Variants in RTF1 observed in about 807,000 individuals in gnomAD.
RTF1 encodes RNA polymerase-associated protein RTF1 homolog.
RTF1 carries 10 observed loss-of-function variants against 95.7 expected under a neutral mutation model. The observed-to-expected ratio is 0.10, with a 90% CI of 0.06 to 0.18. The LOEUF (loss-of-function observed/expected upper bound fraction) is 0.18, where lower values mean the gene tolerates loss of function less well. Among genes scored for constraint, RTF1 ranks in the 10% least tolerant of loss-of-function variants. The pLI is 1.00. For missense variants in RTF1, 458 were observed against 875.6 expected (o/e 0.52, Z 6.02); for synonymous variants, 305 against 311.8 (o/e 0.98, Z 0.23).
chr15:41,433,693 G>C (rs543995142), intron 1 of RTF1, among the ~76,000 whole-genome samples: 1 of 151,964 alleles, frequency 6.6e-6, no homozygotes, highest in Non-Finnish European at 1.5e-5. Context: ...GACCATAAAC[G>C]TATTACTATA....
intron 1 of RTF1, among the ~76,000 whole-genome samples, chr15:41,418,697 C>A (rs1488201464): frequency 6.6e-6 from 1 of 150,528 alleles, no homozygotes; most frequent in African/African-American, 2.4e-5. Flanking sequence ...GTAATCCCAG[C>A]TACTCGGGAG....
intron 6 of RTF1, among the ~76,000 whole-genome samples, 160 bp downstream of exon 6, chr15:41,466,412 G>A (rs2050880819): frequency 6.6e-6 from 1 of 152,174 alleles, no homozygotes; most frequent in African/African-American, 2.4e-5. Context: ...AGCCACAGCA[G>A]TCAGCTCTTG....
At chr15:41,417,413 C>T (rs2050576866) in intron 1 of RTF1, 100 bp downstream of exon 1, 4 of 1,028,476 alleles carry the variant, frequency 3.9e-6, no homozygotes, top group Non-Finnish European at 5.0e-6. Context: ...TACCAGAGCG[C>T]CCAGCTCGCC....
At chr15:41,417,601 T>TC (rs1482252864) in intron 1 of RTF1, among the ~76,000 whole-genome samples, 1 of 151,874 alleles carries the variant, frequency 6.6e-6, no homozygotes, top group Non-Finnish European at 1.5e-5. Flanking sequence ...GCCGCGATCT[T>TC]CCGGGGCCAG....
chr15:41,475,924 T>A, intron 11 of RTF1, 105 bp downstream of exon 11: 1 of 629,490 alleles, frequency 1.6e-6, no homozygotes, highest in East Asian at 2.7e-5. Context: ...TAGCTATGCA[T>A]GAAAATGAGG....
intron 4 of RTF1, among the ~76,000 whole-genome samples, chr15:41,459,089 G>A (rs1215683664): frequency 6.8e-6 from 1 of 147,576 alleles, no homozygotes; most frequent in Non-Finnish European, 1.5e-5. Context: ...AAAAAATAAA[G>A]GGAATTACAG....
intron 1 of RTF1, among the ~76,000 whole-genome samples, chr15:41,436,227 G>A (rs551924953): frequency 1.6e-4 from 24 of 151,098 alleles, no homozygotes; most frequent in African/African-American, 3.6e-4. Flanking sequence ...CAAAGCAGGC[G>A]GATCACGAGG....
At chr15:41,460,840 G>A (rs1376965812) in intron 4 of RTF1, among the ~76,000 whole-genome samples, 2 of 150,294 alleles carry the variant, frequency 1.3e-5, no homozygotes, top group South Asian at 2.1e-4. Context: ...ACTACAGGCT[G>A]TAGGCTACCA....
At chr15:41,424,077 G>T (rs77552433) in intron 1 of RTF1, among the ~76,000 whole-genome samples, 1,952 of 152,246 alleles carry the variant, frequency 0.013, 43 homozygotes, top group African/African-American at 0.045. Context: ...TTCAACAGAT[G>T]TATTAGACAG....
At chr15:41,437,473 G>A (rs2050710638) in intron 1 of RTF1, among the ~76,000 whole-genome samples, 2 of 152,106 alleles carry the variant, frequency 1.3e-5, no homozygotes, top group Admixed American at 6.6e-5. Context: ...TCCAGCCTGG[G>A]TGACACAGCG....
chr15:41,431,736 C>T (rs535501526), intron 1 of RTF1, among the ~76,000 whole-genome samples: 12 of 152,046 alleles, frequency 7.9e-5, no homozygotes, highest in African/African-American at 2.4e-4. Flanking sequence ...TGGGCTCAAA[C>T]GATCAGCCCT....
At chr15:41,457,651 G>A (rs1256891061) in intron 3 of RTF1, 21 bp from the exon 4 acceptor site, 4 of 1,612,824 alleles carry the variant, frequency 2.5e-6, no homozygotes, top group East Asian at 4.5e-5. Context: ...GTGTAATCTT[G>A]TGTTTGGGCC....
At chr15:41,461,755 C>G (rs2050850023) in intron 4 of RTF1, among the ~76,000 whole-genome samples, 1 of 151,910 alleles carries the variant, frequency 6.6e-6, no homozygotes, top group Non-Finnish European at 1.5e-5. Context: ...TCCCAAAGTG[C>G]TGGGATTACA....
chr15:41,435,172 A>C (rs2140950070), intron 1 of RTF1, among the ~76,000 whole-genome samples: 1 of 152,262 alleles, frequency 6.6e-6, no homozygotes, highest in East Asian at 1.9e-4. Context: ...GTATCAAAAC[A>C]GGAGTACTAG....
At chr15:41,442,034 C>T (rs1335870951) in intron 2 of RTF1, among the ~76,000 whole-genome samples, 1 of 152,198 alleles carries the variant, frequency 6.6e-6, no homozygotes, top group Non-Finnish European at 1.5e-5. Context: ...CTTCCAGCCA[C>T]TGTGTAACTC....
Position 41,417,201 on chromosome 15 carries a change from CG to C in RTF1, c.89del (p.Gly30AlafsTer13). The C allele has an allele frequency of 7.9e-7, 1 of 1,262,718 alleles. No individual in the cohort carries two copies. The highest frequency in any genetic ancestry group is 1.0e-6 in the Non-Finnish European group (1 of 998,940). The allele number at this position is 1,262,718 out of a possible 1,614,324, so 78.2% of individuals were successfully genotyped here. ...CTGGCAGGCGGGCAAGAGGGGAGTCCGGGCGGCGGCCGGCGTGGGAGCCGGG... is the reference window on the plus strand; with the variant it reads ...CTGGCAGGCGGGCAAGAGGGGAGTCCGGCGGCGGCCGGCGTGGGAGCCGGG... ...VPLAGGQEGS[P>X]GGGRRGSRGT... On this transcript the variant is annotated frameshift_variant, in exon 1 of 18. Coordinates refer to ENST00000389629, the MANE Select transcript of RTF1 (RefSeq NM_015138.5). LOFTEE classifies it high-confidence loss of function.
intron 2 of RTF1, among the ~76,000 whole-genome samples, chr15:41,440,824 C>G (rs951599163): frequency 1.3e-4 from 20 of 151,966 alleles, no homozygotes; most frequent in Non-Finnish European, 2.6e-4. Flanking sequence ...AATGGATAAA[C>G]TATAATTTCT....
At chr15:41,466,105 TA>T in intron 5 of RTF1, 35 bp from the exon 6 acceptor site, 2 of 1,383,026 alleles carry the variant, frequency 1.4e-6, no homozygotes, top group South Asian at 1.4e-5. Flanking sequence ...CAGCTGTTGG[TA>T]AAAAGGGCCA....
At chr15:41,475,850 G>T (rs777768378) in intron 11 of RTF1, 31 bp downstream of exon 11, 5 of 1,137,170 alleles carry the variant, frequency 4.4e-6, no homozygotes, top group Non-Finnish European at 6.5e-6. Context: ...GAACCCGGAG[G>T]TTCATCAAGA....
Sources: allele counts gnomAD v4.1 joint callset (sites outside exome capture counted in the v4.1 genomes callset), GRCh38; gene constraint gnomAD v4.1.1; transcripts MANE v1.5; gene names NCBI Gene and HGNC (gene_info 2026-07-23, HGNC 2026-07-21).